Variants in IGHMBP2 observed in about 807,000 individuals in gnomAD.
IGHMBP2 encodes the protein immunoglobulin mu DNA binding protein 2, also known as DNA-binding protein SMUBP-2.
Under a neutral mutation model 96.0 loss-of-function variants are expected in IGHMBP2, and 81 were observed. The observed-to-expected ratio is 0.84, with a 90% CI of 0.71 to 1.01. The LOEUF (loss-of-function observed/expected upper bound fraction) is 1.01, where lower values mean the gene tolerates loss of function less well. Ranked by LOEUF, IGHMBP2 falls within the 50% of genes least tolerant of loss-of-function variation. The pLI, the probability that IGHMBP2 is intolerant of heterozygous loss-of-function variation, is 0.00. For synonymous variants in IGHMBP2, 557 were observed against 548.9 expected, an observed-to-expected ratio of 1.01 and a Z score of -0.21; for missense variants, 1,227 against 1,306.3, an observed-to-expected ratio of 0.94 and a Z score of 0.94.
rs777790060 is a variant in IGHMBP2, at chr11:68,939,647, G to A, written c.2898G>A (p.Arg966=). 1.2e-6 allele frequency: 2 copies of A among 1,613,498 alleles called. No homozygotes were observed. The highest frequency in any genetic ancestry group is 8.5e-7 in the Non-Finnish European group (1 of 1,179,958). The change falls in exon 15 of 15, where the codon AGG becomes AGA. Residue 966 remains arginine, a synonymous_variant. Coordinates refer to ENST00000255078, the MANE Select transcript of IGHMBP2 (RefSeq NM_002180.3). ...ACGGATCCCTGGACCCAGCCAAGAG[G>A]GCCCAGCTGCAGAGGAGGCTGGATA... is the stretch of plus-strand genomic sequence containing the variant. ...TKNGSLDPAK[R]AQLQRRLDKK...
chr11:68,904,792 T>TTTTTC (rs1555241962), intron 1 of IGHMBP2, among the ~76,000 whole-genome samples: 1 of 74,344 alleles, frequency 1.3e-5, no homozygotes, highest in Admixed American at 1.9e-4. Flanking sequence ...AAGTTTCTTT[T>TTTTTC]TTTTCTTTTT....
At chr11:68,932,372 C>T (rs1229001605) in intron 8 of IGHMBP2, 2 of 152,232 alleles carry the variant, frequency 1.3e-5, no homozygotes, top group Admixed American at 1.3e-4. Context: ...GGTACTGCCC[C>T]AGGGTTTTGG....
chr11:68,916,975 C>CT (rs11418103), intron 6 of IGHMBP2, among the ~76,000 whole-genome samples: 26,863 of 102,128 alleles, frequency 0.26, 5,742 homozygotes, highest in South Asian at 0.37. Flanking sequence ...AAGGTTACAT[C>CT]TTTTTTTTTT....
At position 68,908,914 on chromosome 11, in the gene IGHMBP2, C is replaced by T. The variant is rs539930589; in HGVS notation, c.547+283C>T. The stretch of plus-strand genomic sequence containing the variant: ...GGAGTGCAGTGGCGCGATCTCAGCT[C>T]ATTGCAAACTCCGCCTCCCGGGTTC... On this transcript the variant is annotated intron_variant, in intron 4 of 14. Coordinates refer to ENST00000255078, the MANE Select transcript of IGHMBP2 (RefSeq NM_002180.3). 6.0e-5 allele frequency among the ~76,000 whole-genome samples: 9 copies of T among 150,870 alleles called. No individual in the cohort carries two copies. In the East Asian group the frequency reaches 9.8e-4, roughly 16 times the overall value.
intron 2 of IGHMBP2, 99 bp from the exon 3 acceptor site, chr11:68,908,046 A>G: frequency 9.5e-7 from 1 of 1,052,984 alleles, no homozygotes; most frequent in Non-Finnish European, 1.5e-6. Context: ...TAAAGAAAGT[A>G]ACAAAGATAA....
At chr11:68,917,071 C>T (rs564267374) in intron 6 of IGHMBP2, among the ~76,000 whole-genome samples, 1 of 149,996 alleles carries the variant, frequency 6.7e-6, no homozygotes, top group African/African-American at 2.4e-5. Context: ...ACCTCCGCCT[C>T]CTGGGTTCAA....
At chr11:68,931,594 C>G (rs1228882669) in intron 8 of IGHMBP2, among the ~76,000 whole-genome samples, 1 of 152,142 alleles carries the variant, frequency 6.6e-6, no homozygotes, top group African/African-American at 2.4e-5. Context: ...AGCGGCCACT[C>G]TACCTCAGAA....
chr11:68,914,941 A>G lies in IGHMBP2; in HGVS notation c.830A>G (p.Gln277Arg), dbSNP rs112495985. The change falls in exon 6 of 15, where the codon CAG becomes CGG. Residue 277 changes from glutamine to arginine, a missense_variant. Physicochemically the swap from Gln to Arg is conservative, Grantham distance 43. Transcript: ENST00000255078. ...HPARLLESIQ[Q>R]HSLDAVLARS... is the part of the protein sequence containing the mutation. ...GCCCGCCTCCTGGAGTCCATTCAGC[A>G]GCACTCCCTGGATGCGGTTTTAGCG... 52 of 1,614,084 alleles carry G rather than the reference A, an allele frequency of 3.2e-5. No homozygotes were observed. The African/African-American group carries it at 3.6e-4, about 11-fold the overall frequency.
At chr11:68,907,419 G>C (rs771959120) in intron 2 of IGHMBP2, among the ~76,000 whole-genome samples, 18 of 152,192 alleles carry the variant, frequency 1.2e-4, no homozygotes, top group Non-Finnish European at 2.2e-4. Context: ...TGCCAGCCTG[G>C]TTGGAAAGGA....
At chr11:68,929,655 C>A in intron 8 of IGHMBP2, 2 of 793,000 alleles carry the variant, frequency 2.5e-6, no homozygotes, top group Non-Finnish European at 3.1e-6. Context: ...CCCTCATGAA[C>A]CAGGCAGGTT....
Position 68,911,427 on chromosome 11 carries a change from G to T in IGHMBP2, c.548-13G>T, listed in dbSNP as rs1198884720. ...CAGAGCACCTGAGCCTCACGCTGCT[G>T]CTTCTTCCACAGACCCGCTGACATT... On this transcript the variant is annotated splice_polypyrimidine_tract_variant and intron_variant, in intron 4 of 14. Coordinates refer to ENST00000255078, the MANE Select transcript of IGHMBP2 (RefSeq NM_002180.3). 8.1e-6 allele frequency: 13 copies of T among 1,613,020 alleles called. 1 individual carries two copies. The highest frequency in any genetic ancestry group is 1.1e-5 in the Non-Finnish European group (13 of 1,179,822).
In IGHMBP2 at chr11:68,911,249, C is replaced by T. The variant is rs1455273621; in HGVS notation, c.548-191C>T. Among the ~76,000 whole-genome samples, 6 of 152,256 alleles carry T rather than the reference C, an allele frequency of 3.9e-5. 1 individual carries two copies. Among genetic ancestry groups the T allele is most frequent in the African/African-American group, 1.4e-4 (6 of 41,552 alleles). ...TGACTGGATGTGGCCCACAGTTTGCCGATTCCTGTTCAAGGAGAAACCTTG... is the reference window on the plus strand; with the variant it reads ...TGACTGGATGTGGCCCACAGTTTGCTGATTCCTGTTCAAGGAGAAACCTTG... On this transcript the variant is annotated intron_variant, in intron 4 of 14. Transcript: ENST00000255078.
chr11:68,937,306 C>T (rs900138511), intron 13 of IGHMBP2, among the ~76,000 whole-genome samples: 2 of 152,174 alleles, frequency 1.3e-5, no homozygotes, highest in African/African-American at 4.8e-5. Context: ...TTTCCCAGAC[C>T]CTGTGTGGGA....
chr11:68,930,490 T>A (rs1478870577), intron 8 of IGHMBP2: 1 of 1,270,714 alleles, frequency 7.9e-7, no homozygotes, highest in Non-Finnish European at 1.0e-6. Flanking sequence ...GGGAGGAAGA[T>A]GTTGGAAATA....
At chr11:68,913,089 C>T (rs1372586207) in intron 5 of IGHMBP2, among the ~76,000 whole-genome samples, 1 of 132,860 alleles carries the variant, frequency 7.5e-6, no homozygotes, top group Non-Finnish European at 1.6e-5. Context: ...CACGAGGAAA[C>T]TGAGAAACAA....
chr11:68,935,513 T>A, intron 12 of IGHMBP2, 91 bp downstream of exon 12: 1 of 1,492,232 alleles, frequency 6.7e-7, no homozygotes. Flanking sequence ...GGTGCCACAC[T>A]GGTTTCTGGC....
intron 13 of IGHMBP2, 34 bp from the exon 14 acceptor site, chr11:68,938,148 T>C (rs567184024): frequency 6.2e-7 from 1 of 1,613,072 alleles, no homozygotes; most frequent in Non-Finnish European, 8.5e-7. Context: ...GGTGTTGTCT[T>C]TCCGTTTGCC....
rs568317224 is a variant in IGHMBP2, at chr11:68,933,712, G to A, written c.1419-83G>A. ...CCTCCCCTACCTAAGCCTTTTCCTCGTGGGAGGGGTCGGTTCTGTTGGGTG... is the reference window on the plus strand; with the variant it reads ...CCTCCCCTACCTAAGCCTTTTCCTCATGGGAGGGGTCGGTTCTGTTGGGTG... On this transcript the variant is annotated intron_variant, in intron 9 of 14. Transcript: ENST00000255078. 1.5e-4 allele frequency: 171 copies of A among 1,175,886 alleles called. No individual in the cohort carries two copies. The African/African-American group carries it at 1.7e-3, about 12-fold the overall frequency. The allele number at this position is 1,175,886 out of a possible 1,614,324, so 72.8% of individuals were successfully genotyped here.
chr11:68,912,680 G>A (rs1013985653), intron 5 of IGHMBP2, among the ~76,000 whole-genome samples: 4 of 152,014 alleles, frequency 2.6e-5, no homozygotes, highest in Non-Finnish European at 2.9e-5. Context: ...ACCAGGCATC[G>A]TTCTGAGCAC....
Sources: allele counts gnomAD v4.1 joint callset (sites outside exome capture counted in the v4.1 genomes callset), GRCh38; gene constraint gnomAD v4.1.1; transcripts MANE v1.5; gene names NCBI Gene and HGNC (gene_info 2026-07-23, HGNC 2026-07-21).